The following SOX13 variants were observed in gnomAD, a reference collection of about 807,000 sequenced individuals.
SOX13 encodes the protein transcription factor SOX-13.
A neutral mutation model predicts 71.8 loss-of-function variants in SOX13; 28 were observed. The observed-to-expected ratio is 0.39, with a 90% confidence interval of 0.29 to 0.53. The LOEUF (loss-of-function observed/expected upper bound fraction) is 0.53. SOX13 is among the 20% of genes least tolerant of loss of function. SOX13 has a pLI of 0.70. For missense variants in SOX13, 627 were observed against 810.3 expected, an observed-to-expected ratio of 0.77 and a Z score of 2.75; for synonymous variants, 309 against 317.8, an observed-to-expected ratio of 0.97 and a Z score of 0.29.
intron 1 of SOX13, among the ~76,000 whole-genome samples, chr1:204,095,050 A>C (rs1384287228): frequency 6.6e-6 from 1 of 152,054 alleles, no homozygotes; most frequent in Non-Finnish European, 1.5e-5. Flanking sequence ...TTCAGTCTGG[A>C]CCATTGTGCT....
At chr1:204,085,677 T>TA (rs71568017) in intron 1 of SOX13, among the ~76,000 whole-genome samples, 277 of 143,478 alleles carry the variant, frequency 1.9e-3, no homozygotes, top group African/African-American at 5.9e-3. Flanking sequence ...AGTGCATATT[T>TA]AAAAAAAAAA....
intron 6 of SOX13, 34 bp from the exon 7 acceptor site, chr1:204,117,559 C>T: frequency 7.0e-7 from 1 of 1,428,316 alleles, no homozygotes. Context: ...TCTTTGGGTC[C>T]CTGGGGACTC....
chr1:204,123,545 G>C lies in SOX13; in HGVS notation c.1232-116G>C. ...CCTTGCTCCTCCTCGGCTGGCTGCT[G>C]TGGGAGCCTCCTCAGTGCCTCCTGC... On this transcript the variant is annotated intron_variant, in intron 11 of 13. Coordinates refer to ENST00000367204, the MANE Select transcript of SOX13 (RefSeq NM_005686.3). This position sits in a 1 kb window ranked among gnomAD's most constrained non-coding sequence, Gnocchi z 5.0. The C allele has an allele frequency of 8.7e-7, 1 of 1,150,472 alleles. No homozygotes were observed. Among genetic ancestry groups the C allele is most frequent in the Non-Finnish European group, 1.2e-6 (1 of 824,302 alleles). The allele number at this position is 1,150,472 out of a possible 1,614,324, so 71.3% of individuals were successfully genotyped here.
intron 1 of SOX13, among the ~76,000 whole-genome samples, chr1:204,074,808 C>T (rs1655751718): frequency 6.6e-6 from 1 of 152,266 alleles, no homozygotes; most frequent in African/African-American, 2.4e-5. Flanking sequence ...CCCTGGAGGG[C>T]CCGCGGCAGC....
chr1:204,084,790 G>A (rs1446874765), intron 1 of SOX13, among the ~76,000 whole-genome samples: 1 of 29,380 alleles, frequency 3.4e-5, no homozygotes, highest in African/African-American at 4.8e-4. Flanking sequence ...TGCCTCTCAG[G>A]GTTTGTTGTT....
chr1:204,125,212 G>T (rs988985522), intron 13 of SOX13, among the ~76,000 whole-genome samples: 16 of 152,154 alleles, frequency 1.1e-4, no homozygotes, highest in African/African-American at 3.9e-4. Flanking sequence ...TTCCTGACTT[G>T]ACTAAAGCAA....
chr1:204,102,450 G>T (rs2102242774), intron 1 of SOX13, among the ~76,000 whole-genome samples: 1 of 152,282 alleles, frequency 6.6e-6, no homozygotes, highest in South Asian at 2.1e-4. Context: ...ACCGTGGCTT[G>T]GCCAGATAAG....
At chr1:204,115,234 C>T (rs1656664399) in intron 4 of SOX13, among the ~76,000 whole-genome samples, 1 of 151,398 alleles carries the variant, frequency 6.6e-6, no homozygotes, top group African/African-American at 2.4e-5. Context: ...TCTCGAACCC[C>T]TGGGCCTAAA....
chr1:204,087,213 C>T (rs1382622024), intron 1 of SOX13, among the ~76,000 whole-genome samples: 1 of 152,348 alleles, frequency 6.6e-6, no homozygotes, highest in Non-Finnish European at 1.5e-5. Flanking sequence ...TGAGCCACCG[C>T]GCCCAGCTTT....
rs374968843 is a variant in SOX13 at position 204,120,569 on chromosome 1, A to T, written c.776-1331A>T. On this transcript the variant is annotated intron_variant, in intron 7 of 13. Coordinates refer to ENST00000367204, the MANE Select transcript of SOX13 (RefSeq NM_005686.3). Reference sequence around the variant, plus strand: ...TCGGCCTTCATGGGCCTCGGGGCCAACCTGGCCCCCATGGCCTGCCTCATT... The same window carrying T: ...TCGGCCTTCATGGGCCTCGGGGCCATCCTGGCCCCCATGGCCTGCCTCATT... 2.6e-5 allele frequency among the ~76,000 whole-genome samples: 4 copies of T among 152,220 alleles called. No individual in the cohort carries two copies. The East Asian group carries it at 7.7e-4, about 29-fold the overall frequency.
rs981211284 is a variant in SOX13 at position 204,126,248 on chromosome 1, G to T, written c.*114G>T. ...GGTACTTGGACTTGTTCGTGCCCCAGAGATGGGCAAAGCTGTGCACTTGCA... is the reference window on the plus strand; with the variant it reads ...GGTACTTGGACTTGTTCGTGCCCCATAGATGGGCAAAGCTGTGCACTTGCA... On this transcript the variant is annotated 3_prime_UTR_variant, in exon 14 of 14. Coordinates refer to ENST00000367204, the MANE Select transcript of SOX13 (RefSeq NM_005686.3). 1 of 1,144,624 alleles carries T rather than the reference G, an allele frequency of 8.7e-7. No individual in the cohort carries two copies. 70.9% of individuals were successfully genotyped at this position (1,144,624 alleles called of 1,614,324 possible). A position where few individuals can be genotyped will look rare whatever the true frequency, so the allele number is the denominator to read the frequency against.
In SOX13 at chr1:204,126,557, C is replaced by T. The variant is rs143606731; in HGVS notation, c.*423C>T. On this transcript the variant is annotated 3_prime_UTR_variant, in exon 14 of 14. Transcript: ENST00000367204. ...ACCCCTCCCACACTCCCCCAGACTG[C>T]TCGTCTATCACCAGGATCGCTTTGT... 46 of 225,528 alleles carry T rather than the reference C, an allele frequency of 2.0e-4. No homozygotes were observed. The highest frequency in any genetic ancestry group is 1.0e-3 in the African/African-American group (46 of 44,502). 14.0% of individuals were successfully genotyped at this position (225,528 alleles called of 1,614,324 possible).
chr1:204,104,309 C>T (rs74458057), intron 1 of SOX13, among the ~76,000 whole-genome samples: 2 of 152,166 alleles, frequency 1.3e-5, no homozygotes, highest in South Asian at 4.1e-4. Context: ...GGATCTGATA[C>T]CCCCCAGGGC....
At chr1:204,100,773 C>G (rs1437395335) in intron 1 of SOX13, among the ~76,000 whole-genome samples, 1 of 152,138 alleles carries the variant, frequency 6.6e-6, no homozygotes, top group Non-Finnish European at 1.5e-5. Flanking sequence ...GTCCGATGAG[C>G]GAGCCTGTGT....
intron 1 of SOX13, among the ~76,000 whole-genome samples, chr1:204,108,478 C>T (rs1430970352): frequency 3.9e-5 from 6 of 152,234 alleles, no homozygotes; most frequent in Admixed American, 3.9e-4. Context: ...CGTTCACCAT[C>T]CCCAACTGGG....
chr1:204,090,342 G>A (rs780609774), intron 1 of SOX13, among the ~76,000 whole-genome samples: 3 of 151,758 alleles, frequency 2.0e-5, no homozygotes, highest in Non-Finnish European at 4.4e-5. Context: ...CCTGAGGCTG[G>A]TTACTTGTTC....
Position 204,126,517 on chromosome 1 carries a change from C to T in SOX13, c.*383C>T, listed in dbSNP as rs867900518. ...CCATTCTTGTCCTGGCTGGACCAGCCACTGTGGGACCAACACCCCTCCCAC... is the reference window on the plus strand; with the variant it reads ...CCATTCTTGTCCTGGCTGGACCAGCTACTGTGGGACCAACACCCCTCCCAC... On this transcript the variant is annotated 3_prime_UTR_variant, in exon 14 of 14. Coordinates refer to ENST00000367204, the MANE Select transcript of SOX13 (RefSeq NM_005686.3). 15 of 255,222 alleles carry T rather than the reference C, an allele frequency of 5.9e-5. No homozygotes were observed. The highest frequency in any genetic ancestry group is 1.3e-4 in the South Asian group (2 of 15,844). The allele number at this position is 255,222 out of a possible 1,614,324, so 15.8% of individuals were successfully genotyped here.
intron 2 of SOX13, 42 bp from the exon 3 acceptor site, chr1:204,114,279 C>T (rs766225430): frequency 7.2e-7 from 1 of 1,385,348 alleles, no homozygotes; most frequent in Non-Finnish European, 1.0e-6. Flanking sequence ...AGCCTGTCCC[C>T]TTCTCTTGGG....
intron 1 of SOX13, chr1:204,074,058 C>CG (rs1655732052): frequency 6.6e-6 from 1 of 152,116 alleles, no homozygotes; most frequent in Admixed American, 6.5e-5. Context: ...ACCCCCAACC[C>CG]GCTCCTCGCC....
Sources: gnomAD v4.1 joint callset for allele counts (sites outside exome capture counted in the v4.1 genomes callset) on GRCh38, gnomAD v4.1.1 for gene constraint, Gnocchi (gnomAD v3.1) non-coding constraint, MANE v1.5 for transcripts, NCBI Gene and HGNC (gene_info 2026-07-23, HGNC 2026-07-21) for gene names.